Variants in MYLK3 observed in about 807,000 individuals in gnomAD.
MYLK3 encodes the protein MLC kinase.
A neutral mutation model predicts 76.3 loss-of-function variants in MYLK3; 55 were observed. That is an observed-to-expected ratio of 0.72 (90% CI 0.58 to 0.90). The LOEUF (loss-of-function observed/expected upper bound fraction) is 0.90. Ranked by LOEUF, MYLK3 falls within the 40% of genes least tolerant of loss-of-function variation. The pLI, the probability that MYLK3 is intolerant of heterozygous loss-of-function variation, is 0.00. For synonymous variants in MYLK3, 416 were observed against 425.4 expected (o/e 0.98, Z 0.27); for missense variants, 973 against 1,053.6 (o/e 0.92, Z 1.06).
intron 1 of MYLK3, among the ~76,000 whole-genome samples, chr16:46,747,345 C>T (rs1246948087): frequency 6.6e-6 from 1 of 152,204 alleles, no homozygotes; most frequent in African/African-American, 2.4e-5. Flanking sequence ...TCAGGACAAA[C>T]TGGCCACTCC....
rs1407629131 is a variant in MYLK3, at chr16:46,732,666, A to T, written c.1004T>A (p.Ile335Asn). Residue 335 changes from isoleucine (I) to asparagine (N), a missense_variant and splice_region_variant, in exon 4 of 13, where the codon ATC (isoleucine) becomes AAC (asparagine). Transcript: ENST00000394809. Reference sequence around the variant, plus strand: ...ATCCATCTCTTGTATGTGGATGGAGATCCTGGGGTGGAGAGAAACATGGTG... The same window carrying T: ...ATCCATCTCTTGTATGTGGATGGAGTTCCTGGGGTGGAGAGAAACATGGTG... Reference protein sequence around the residue: ...THSGGETPPRISIHIQEMDTP... With the variant: ...THSGGETPPRNSIHIQEMDTP... 1 of 1,505,612 alleles carries T rather than the reference A, an allele frequency of 6.6e-7. No individual in the cohort carries two copies. Among genetic ancestry groups the T allele is most frequent in the Non-Finnish European group, 8.8e-7 (1 of 1,134,190 alleles). 93.3% of individuals were successfully genotyped at this position (1,505,612 alleles called of 1,614,324 possible).
chr16:46,735,827 T>C (rs970152372), intron 3 of MYLK3, among the ~76,000 whole-genome samples: 1 of 152,186 alleles, frequency 6.6e-6, no homozygotes, highest in African/African-American at 2.4e-5. Flanking sequence ...GACTTCCCTT[T>C]GGGTCTTCAC....
intron 10 of MYLK3, chr16:46,711,622 C>A: frequency 2.3e-6 from 1 of 439,960 alleles, no homozygotes; most frequent in Non-Finnish European, 4.5e-6. Context: ...GCAATCCTCC[C>A]GCCACAGCTT....
Position 46,716,431 on chromosome 16 carries a change from G to A in MYLK3, c.1986-3655C>T, listed in dbSNP as rs555955298. On this transcript the variant is annotated intron_variant, in intron 9 of 12. Transcript: ENST00000394809. ...GTATGTGTATATATATATATAGCCC[G>A]CATATATGTATGTATGTGTATATAT... is the stretch of plus-strand genomic sequence containing the variant. 5.3e-5 allele frequency among the ~76,000 whole-genome samples: 8 copies of A among 150,822 alleles called. No individual in the cohort carries two copies. The East Asian group carries it at 7.8e-4, about 15-fold the overall frequency.
At chr16:46,753,571 C>T (rs36474) in intron 1 of MYLK3, among the ~76,000 whole-genome samples, 150,132 of 152,348 alleles carry the variant, frequency 0.99, 74,001 homozygotes, top group East Asian at 1. Context: ...AACAGAAACA[C>T]GATCATAGAA....
intron 9 of MYLK3, among the ~76,000 whole-genome samples, chr16:46,716,981 G>A (rs1314890563): frequency 6.6e-6 from 1 of 152,156 alleles, no homozygotes; most frequent in Non-Finnish European, 1.5e-5. Context: ...CTCTTCACCT[G>A]TATTCTTTGT....
intron 3 of MYLK3, among the ~76,000 whole-genome samples, chr16:46,735,963 A>C (rs1039008352): frequency 2.0e-5 from 3 of 152,214 alleles, no homozygotes; most frequent in African/African-American, 7.2e-5. Flanking sequence ...GGTCCAGCTC[A>C]ATGCCTCAGT....
intron 6 of MYLK3, 58 bp downstream of exon 6, chr16:46,729,536 G>A (rs896950928): frequency 1.1e-5 from 17 of 1,500,086 alleles, no homozygotes; most frequent in Non-Finnish European, 1.4e-5. Flanking sequence ...GGGGCCCTGA[G>A]GGAAGGAAAG....
At chr16:46,739,924 A>G in intron 2 of MYLK3, 133 bp downstream of exon 2, 1 of 661,428 alleles carries the variant, frequency 1.5e-6, no homozygotes, top group Non-Finnish European at 2.6e-6. Context: ...ATGACAAAAA[A>G]CCCTGCAAAA....
chr16:46,721,227 A>G lies in MYLK3; in HGVS notation c.1915-34T>C, dbSNP rs1367253957. On this transcript the variant is annotated intron_variant, in intron 8 of 12. Coordinates refer to ENST00000394809, the MANE Select transcript of MYLK3 (RefSeq NM_182493.3). ...GAAAGAAGTCTGCTTAGCCCAAGCA[A>G]TAGCTGAGGAGGTCTGCAGCTGCCA... 1.9e-6 allele frequency: 3 copies of G among 1,603,652 alleles called. No homozygotes were observed. The Admixed American group carries it at 5.0e-5, about 27-fold the overall frequency.
chr16:46,759,091 A>C (rs1967242977), intron 1 of MYLK3, among the ~76,000 whole-genome samples: 1 of 152,236 alleles, frequency 6.6e-6, no homozygotes, highest in Admixed American at 6.5e-5. Context: ...TGGCAGCCTC[A>C]GGGAAACCTG....
At position 46,710,761 on chromosome 16, in the gene MYLK3, C is replaced by T. The variant is rs1355220180; in HGVS notation, c.2143G>A (p.Glu715Lys). ...AAATTCATGGTCTCTGCATCTGTTT[C>T]CCCTAGAAATGGGGACAAGCCACTG... ...LLSGLSPFLG[E>K]TDAETMNFIV... is the part of the protein sequence containing the mutation. Residue 715 changes from glutamate to lysine, a missense_variant, in exon 11 of 13, where the codon GAA (glutamate) becomes AAA (lysine). Around this residue, in one of 2 missense-constraint regions of MYLK3, gnomAD observed 332 missense variants for 416.6 expected, o/e 0.80. Transcript: ENST00000394809. The T allele has an allele frequency of 6.2e-7, 1 of 1,614,114 alleles. No individual in the cohort carries two copies. Among genetic ancestry groups the T allele is most frequent in the Non-Finnish European group, 8.5e-7 (1 of 1,180,016 alleles).
chr16:46,727,524 G>T (rs911980047), intron 7 of MYLK3, 147 bp from the exon 8 acceptor site: 2 of 871,678 alleles, frequency 2.3e-6, no homozygotes, highest in African/African-American at 3.4e-5. Context: ...CTGCCCTTGG[G>T]TTTTTTGTGT....
intron 8 of MYLK3, chr16:46,726,727 AAGAAAGAAAAGAAAGAGAGAG>A (rs1406491167): frequency 5.4e-5 from 8 of 148,810 alleles, no homozygotes; most frequent in African/African-American, 2.0e-4. Context: ...GAAAGAAAGA[AAGAAAGAAAAGAAAGAGAGAG>A]AGAAAGAAAG....
chr16:46,754,528 GC>G (rs1160284593), intron 1 of MYLK3, among the ~76,000 whole-genome samples: 1 of 152,140 alleles, frequency 6.6e-6, no homozygotes, highest in African/African-American at 2.4e-5. Flanking sequence ...AGCACACTCA[GC>G]CCCTTCGCCA....
intron 4 of MYLK3, among the ~76,000 whole-genome samples, 168 bp downstream of exon 4, chr16:46,732,040 C>T (rs1007345848): frequency 6.6e-6 from 1 of 152,108 alleles, no homozygotes; most frequent in African/African-American, 2.4e-5. Context: ...CACATCTCTG[C>T]GCCTTGGTCT....
chr16:46,706,535 C>G lies in MYLK3; in HGVS notation c.*1169G>C, dbSNP rs1966628515. The G allele has an allele frequency of 6.6e-6, 1 of 152,226 alleles. No individual in the cohort carries two copies. Among genetic ancestry groups the G allele is most frequent in the Admixed American group, 6.5e-5 (1 of 15,276 alleles). The allele number at this position is 152,226 out of a possible 1,614,324, so 9.4% of individuals were successfully genotyped here. The stretch of plus-strand genomic sequence containing the variant: ...TCTTGAACTCCTGACCTCAAGTGAT[C>G]TGCCTGCCTCAGCCTCCCAAAGTGC... On this transcript the variant is annotated 3_prime_UTR_variant, in exon 13 of 13. Coordinates refer to ENST00000394809, the MANE Select transcript of MYLK3 (RefSeq NM_182493.3).
intron 9 of MYLK3, among the ~76,000 whole-genome samples, chr16:46,715,980 T>C (rs1414069440): frequency 1.3e-5 from 2 of 152,252 alleles, no homozygotes; most frequent in African/African-American, 4.8e-5. Context: ...AACAATTTGC[T>C]AAATAAAACT....
upstream of MYLK3, among the ~76,000 whole-genome samples, chr16:46,750,350 A>G (rs1244424861): frequency 6.6e-6 from 1 of 152,200 alleles, no homozygotes. Flanking sequence ...TATTATTGCC[A>G]CTGCTGTGGA....
Sources: allele counts gnomAD v4.1 joint callset (sites outside exome capture counted in the v4.1 genomes callset), GRCh38; gene constraint gnomAD v4.1.1; regional missense constraint gnomAD v4.1.1; transcripts MANE v1.5; gene names NCBI Gene and HGNC (gene_info 2026-07-23, HGNC 2026-07-21).